Variants in SPAG1 observed in about 807,000 individuals in gnomAD.
SPAG1 encodes sperm-associated antigen 1.
Under a neutral mutation model 100.5 loss-of-function variants are expected in SPAG1, and 69 were observed. The ratio of observed to expected loss-of-function variants is 0.69; its 90% CI spans 0.57 to 0.84. SPAG1 has a LOEUF of 0.84. SPAG1 is among the 40% of genes least tolerant of loss of function. The probability of loss-of-function intolerance (pLI) is 0.00; values close to 1 mark genes in which losing one functional copy is unlikely to be tolerated. For missense variants in SPAG1, 955 were observed against 1,133.1 expected (o/e 0.84, Z 2.26); for synonymous variants, 336 against 411.6 (o/e 0.82, Z 2.22).
chr8:100,189,404 G>A (rs528617792), intron 8 of SPAG1, among the ~76,000 whole-genome samples: 1 of 152,132 alleles, frequency 6.6e-6, no homozygotes, highest in East Asian at 1.9e-4. Flanking sequence ...TGGAACCCAG[G>A]AGGCAGAGGT....
In SPAG1 at chr8:100,164,051, T is replaced by G. The variant is rs112913533; in HGVS notation, c.140+1631T>G. ...TAAGAAAGAATGGGAAAGGACTGAT[T>G]TTCCTTAAAATAAAAGGAACAGATG... is the stretch of plus-strand genomic sequence containing the variant. On this transcript the variant is annotated intron_variant, in intron 2 of 18. Transcript: ENST00000388798. Among the ~76,000 whole-genome samples the G allele has an allele frequency of 6.1e-3, 925 of 152,320 alleles. 15 individuals carry two copies. Among genetic ancestry groups the G allele is most frequent in the African/African-American group, 0.022 (898 of 41,582 alleles).
intron 4 of SPAG1, among the ~76,000 whole-genome samples, chr8:100,180,542 A>G (rs555121271): frequency 6.6e-6 from 1 of 152,250 alleles, no homozygotes; most frequent in Admixed American, 6.5e-5. Flanking sequence ...TCAGGATGGC[A>G]TCTCCTCTAA....
chr8:100,177,369 T>C (rs1439670542), intron 3 of SPAG1, among the ~76,000 whole-genome samples: 2 of 152,126 alleles, frequency 1.3e-5, no homozygotes, highest in Non-Finnish European at 2.9e-5. Flanking sequence ...CGTATTATAG[T>C]GTCTCCTACA....
chr8:100,174,226 G>A (rs1432666784), intron 3 of SPAG1, among the ~76,000 whole-genome samples: 7 of 152,096 alleles, frequency 4.6e-5, no homozygotes, highest in South Asian at 2.1e-4. Context: ...CATATATTTT[G>A]TATGTTATAT....
rs780864518 is a variant in SPAG1, at chr8:100,191,456, G to A, written c.899G>A (p.Ser300Asn). 2 of 1,613,726 alleles carry A rather than the reference G, an allele frequency of 1.2e-6. No individual in the cohort carries two copies. The highest frequency in any genetic ancestry group is 1.7e-6 in the Non-Finnish European group (2 of 1,179,662). ...CTCCGGGAAGCTACAGAAGATTTGA[G>A]TAAAGTACTAGATGTTGAGCCTGAT... The part of the protein sequence containing the change: ...NKLREATEDL[S>N]KVLDVEPDND... The change falls in exon 9 of 19, where the codon AGT (serine) becomes AAT (asparagine). Residue 300 changes from serine to asparagine, a missense_variant. By Grantham distance (46) the Ser-to-Asn change is conservative (BLOSUM62 1). Coordinates refer to ENST00000388798, the MANE Select transcript of SPAG1 (RefSeq NM_003114.5).
At chr8:100,232,955 T>G (rs1434855126) in intron 15 of SPAG1, among the ~76,000 whole-genome samples, 1 of 152,204 alleles carries the variant, frequency 6.6e-6, no homozygotes, top group Non-Finnish European at 1.5e-5. Context: ...CGCTGTGTCC[T>G]TGGCCTCCAC....
intron 9 of SPAG1, among the ~76,000 whole-genome samples, chr8:100,193,354 G>A (rs983862534): frequency 1.3e-5 from 2 of 152,014 alleles, no homozygotes; most frequent in Non-Finnish European, 2.9e-5. Context: ...CTAGCTACTC[G>A]GGAGGCAGGG....
At chr8:100,235,711 A>G (rs530236052) in intron 16 of SPAG1, among the ~76,000 whole-genome samples, 2 of 152,298 alleles carry the variant, frequency 1.3e-5, no homozygotes, top group South Asian at 4.1e-4. Flanking sequence ...TCCAGATTGT[A>G]GATCCACTCT....
chr8:100,213,079 C>G lies in SPAG1; in HGVS notation c.1097-11C>G, dbSNP rs751103088. 1.7e-4 allele frequency: 248 copies of G among 1,459,994 alleles called. No homozygotes were observed. The highest frequency in any genetic ancestry group is 2.1e-4 in the Non-Finnish European group (232 of 1,112,578). The allele number at this position is 1,459,994 out of a possible 1,614,324, so 90.4% of individuals were successfully genotyped here. The stretch of plus-strand genomic sequence containing the variant: ...TGCAAACCCTCACTTCCCGCATCCA[C>G]TTCCTCACAGAGCCCGCGGAGCCGG... On this transcript the variant is annotated splice_polypyrimidine_tract_variant and intron_variant, in intron 10 of 18. Transcript: ENST00000388798.
intron 3 of SPAG1, among the ~76,000 whole-genome samples, chr8:100,169,613 C>G (rs1408083218): frequency 6.6e-6 from 1 of 152,078 alleles, no homozygotes; most frequent in Non-Finnish European, 1.5e-5. Flanking sequence ...TTGCGTGTGC[C>G]TATAGTCCCA....
chr8:100,217,778 TTTC>T (rs1818073475), intron 12 of SPAG1, among the ~76,000 whole-genome samples: 1 of 152,052 alleles, frequency 6.6e-6, no homozygotes, highest in African/African-American at 2.4e-5. Context: ...CTTTTTCGTT[TTTC>T]TTTTCTTTTC....
At position 100,176,440 on chromosome 8, in the gene SPAG1, G is replaced by A. The variant is rs575218258; in HGVS notation, c.301-1376G>A. ...GGGTGCAGTGGTGCAATCTCGGCTC[G>A]CTACAACCTCCGCCTCCTGGGTTCA... On this transcript the variant is annotated intron_variant, in intron 3 of 18. Coordinates refer to ENST00000388798, the MANE Select transcript of SPAG1 (RefSeq NM_003114.5). Among the ~76,000 whole-genome samples the A allele has an allele frequency of 1.4e-4, 21 of 149,934 alleles. 1 individual carries two copies. Among genetic ancestry groups the A allele is most frequent in the African/African-American group, 4.7e-4 (19 of 40,726 alleles).
chr8:100,205,180 C>T (rs1817454498), intron 10 of SPAG1, among the ~76,000 whole-genome samples: 1 of 152,110 alleles, frequency 6.6e-6, no homozygotes, highest in Non-Finnish European at 1.5e-5. Flanking sequence ...GACCCAGAAC[C>T]CCTTGAATGA....
intron 3 of SPAG1, among the ~76,000 whole-genome samples, chr8:100,176,439 C>G (rs6999913): frequency 5.3e-5 from 8 of 150,934 alleles, no homozygotes. Context: ...AATCTCGGCT[C>G]GCTACAACCT....
At chr8:100,160,071 C>A (rs1296269431) in intron 1 of SPAG1, among the ~76,000 whole-genome samples, 1 of 152,178 alleles carries the variant, frequency 6.6e-6, no homozygotes, top group African/African-American at 2.4e-5. Context: ...ATGTAAAGTA[C>A]TTAGAATGGT....
At chr8:100,221,271 T>A (rs1818265619) in intron 13 of SPAG1, among the ~76,000 whole-genome samples, 1 of 152,124 alleles carries the variant, frequency 6.6e-6, no homozygotes. Context: ...TGCCAGATAT[T>A]TCTGTTATAT....
chr8:100,215,593 C>T (rs935133119), intron 12 of SPAG1, among the ~76,000 whole-genome samples: 2 of 152,220 alleles, frequency 1.3e-5, no homozygotes, highest in East Asian at 1.9e-4. Flanking sequence ...GGCGCCATCT[C>T]GGCTCACTGC....
chr8:100,167,068 G>T (rs950849156), intron 3 of SPAG1, among the ~76,000 whole-genome samples: 1 of 152,118 alleles, frequency 6.6e-6, no homozygotes, highest in Admixed American at 6.6e-5. Context: ...AGTGGTGTGT[G>T]CCTATAGTCC....
chr8:100,166,192 C>A (rs971040942), intron 3 of SPAG1, among the ~76,000 whole-genome samples: 1 of 152,044 alleles, frequency 6.6e-6, no homozygotes, highest in African/African-American at 2.4e-5. Context: ...ATATTCTGTC[C>A]TATTAAAAAA....
Sources: allele counts gnomAD v4.1 joint callset (sites outside exome capture counted in the v4.1 genomes callset), GRCh38; gene constraint gnomAD v4.1.1; transcripts MANE v1.5; gene names NCBI Gene and HGNC (gene_info 2026-07-23, HGNC 2026-07-21).